The following OSBPL10 variants were observed in gnomAD, a reference collection of about 807,000 sequenced individuals.
OSBPL10 encodes oxysterol binding protein like 10.
Under a neutral mutation model 81.7 loss-of-function variants are expected in OSBPL10, and 49 were observed. The observed-to-expected ratio is 0.60, with a 90% CI of 0.48 to 0.76. OSBPL10 has a LOEUF of 0.76. Among genes scored for constraint, OSBPL10 ranks in the 30% least tolerant of loss-of-function variants. The pLI is 0.00. For synonymous variants in OSBPL10, 419 were observed against 383.6 expected (o/e 1.09, Z -1.08); for missense variants, 923 against 987.8 (o/e 0.93, Z 0.88).
At chr3:32,044,085 T>G (rs2125560669) in intron 2 of OSBPL10, among the ~76,000 whole-genome samples, 1 of 152,280 alleles carries the variant, frequency 6.6e-6, no homozygotes, top group Non-Finnish European at 1.5e-5. Flanking sequence ...ATGTATCCCT[T>G]AAATCTAAAA....
At chr3:31,879,619 A>C in intron 2 of OSBPL10, 36 bp downstream of exon 2, 1 of 1,575,126 alleles carries the variant, frequency 6.3e-7, no homozygotes, top group Non-Finnish European at 8.6e-7. Context: ...TAGCAACTAG[A>C]GGCCTGTCTG....
At chr3:31,901,738 C>T (rs796894338) in intron 1 of OSBPL10, among the ~76,000 whole-genome samples, 13 of 152,322 alleles carry the variant, frequency 8.5e-5, no homozygotes, top group African/African-American at 2.9e-4. Context: ...GTATCTAGCA[C>T]AAATGCCTGG....
intron 2 of OSBPL10, chr3:31,989,407 C>A: frequency 6.2e-7 from 1 of 1,614,150 alleles, no homozygotes; most frequent in South Asian, 1.1e-5. Flanking sequence ...GAAAGATATT[C>A]ATGACTTTGA....
chr3:31,962,454 T>C (rs1345781537), intron 1 of OSBPL10, among the ~76,000 whole-genome samples: 5 of 151,800 alleles, frequency 3.3e-5, no homozygotes, highest in Non-Finnish European at 7.4e-5. Context: ...AATATACTTA[T>C]GCCACCAAAC....
chr3:31,710,759 T>C (rs970298215), intron 6 of OSBPL10: 3 of 152,130 alleles, frequency 2.0e-5, no homozygotes, highest in Non-Finnish European at 4.4e-5. Flanking sequence ...CTACTTGAGT[T>C]CTCCAGACCT....
chr3:31,862,996 CA>C (rs1406509144), intron 3 of OSBPL10, among the ~76,000 whole-genome samples: 1 of 151,976 alleles, frequency 6.6e-6, no homozygotes, highest in African/African-American at 2.4e-5. Context: ...TCACAATAGC[CA>C]AAAAGCAAAA....
intron 3 of OSBPL10, among the ~76,000 whole-genome samples, chr3:31,869,084 C>T (rs189655629): frequency 7.9e-4 from 121 of 152,342 alleles, no homozygotes; most frequent in Admixed American, 2.7e-3. Flanking sequence ...TGAAAATCAG[C>T]ACCTGCTACT....
At chr3:32,076,197 G>A (rs531754897) in intron 1 of OSBPL10, among the ~76,000 whole-genome samples, 2 of 152,102 alleles carry the variant, frequency 1.3e-5, no homozygotes, top group East Asian at 1.9e-4. Flanking sequence ...GTGAAACCCC[G>A]TCTCTACTAA....
At chr3:31,920,132 A>C (rs1696868462) in intron 1 of OSBPL10, among the ~76,000 whole-genome samples, 1 of 152,342 alleles carries the variant, frequency 6.6e-6, no homozygotes, top group Admixed American at 6.5e-5. Flanking sequence ...TATAAAGATC[A>C]GGGGTTGCTA....
At chr3:31,844,812 G>A (rs1240737281) in intron 3 of OSBPL10, among the ~76,000 whole-genome samples, 4 of 152,188 alleles carry the variant, frequency 2.6e-5, no homozygotes, top group East Asian at 1.9e-4. Flanking sequence ...AGTGGCTCAC[G>A]CCTATAATCC....
intron 3 of OSBPL10, among the ~76,000 whole-genome samples, chr3:31,869,051 G>C (rs115202582): frequency 0.011 from 1,735 of 152,304 alleles, 30 homozygotes; most frequent in African/African-American, 0.04. Context: ...TCAGGAGTCT[G>C]AACTTCCAAG....
intron 1 of OSBPL10, among the ~76,000 whole-genome samples, chr3:31,919,830 G>A (rs1696861784): frequency 6.6e-6 from 1 of 152,188 alleles, no homozygotes; most frequent in Non-Finnish European, 1.5e-5. Flanking sequence ...CACCAAATCA[G>A]GCTTTACAGG....
chr3:31,778,011 T>C (rs950282300), intron 4 of OSBPL10, among the ~76,000 whole-genome samples: 2 of 152,130 alleles, frequency 1.3e-5, no homozygotes, highest in Non-Finnish European at 2.9e-5. Context: ...TAAACTCTCT[T>C]GAGCAGAATC....
upstream of OSBPL10, among the ~76,000 whole-genome samples, chr3:31,983,303 T>C (rs1285413534): frequency 6.6e-6 from 1 of 152,180 alleles, no homozygotes; most frequent in Non-Finnish European, 1.5e-5. Flanking sequence ...TGCCTTTTAT[T>C]GGAGACTGCC....
At chr3:31,981,766 G>C (rs1264598739), upstream of OSBPL10, 1 of 152,102 alleles carries the variant, frequency 6.6e-6, no homozygotes, top group Admixed American at 6.5e-5. This position sits in a 1 kb window ranked among gnomAD's most constrained non-coding sequence, Gnocchi z 4.5. Flanking sequence ...TCCCTCTCTC[G>C]GTCTTCCGCA....
chr3:31,837,809 C>A (rs1406426693), intron 3 of OSBPL10, among the ~76,000 whole-genome samples: 1 of 151,400 alleles, frequency 6.6e-6, no homozygotes, highest in Non-Finnish European at 1.5e-5. Context: ...CAAGTATTAA[C>A]CCAATAGGGA....
rs188644962 is a variant in OSBPL10 at position 31,935,464 on chromosome 3, G to A, written c.281+45435C>T. 2.6e-5 allele frequency among the ~76,000 whole-genome samples: 4 copies of A among 151,440 alleles called. No individual in the cohort carries two copies. In the East Asian group the frequency reaches 5.8e-4, roughly 22 times the overall value. Reference sequence around the variant, plus strand: ...TTTGGTGCAATTCATCCTGGGAAATGCTGCTTTGGGAACTAAAAGAAGAAA... The same window carrying A: ...TTTGGTGCAATTCATCCTGGGAAATACTGCTTTGGGAACTAAAAGAAGAAA... On this transcript the variant is annotated intron_variant, in intron 1 of 11. Coordinates refer to ENST00000396556, the MANE Select transcript of OSBPL10 (RefSeq NM_017784.5).
intron 6 of OSBPL10, chr3:31,718,833 G>A (rs558517233): frequency 7.9e-5 from 12 of 152,172 alleles, no homozygotes; most frequent in Non-Finnish European, 1.0e-4. Flanking sequence ...GGATGGGGAC[G>A]GAAGGTCCAA....
chr3:31,846,733 C>A (rs530432185), intron 3 of OSBPL10, among the ~76,000 whole-genome samples: 1 of 150,916 alleles, frequency 6.6e-6, no homozygotes, highest in Non-Finnish European at 1.5e-5. Flanking sequence ...TCTTGACTAC[C>A]CTTTGGGCAA....
Sources: allele counts gnomAD v4.1 joint callset (sites outside exome capture counted in the v4.1 genomes callset), GRCh38; gene constraint gnomAD v4.1.1; non-coding constraint Gnocchi (gnomAD v3.1); transcripts MANE v1.5; gene names NCBI Gene and HGNC (gene_info 2026-07-23, HGNC 2026-07-21).